ACOT2: variants seen among roughly 807,000 people sequenced by gnomAD.
The protein encoded by ACOT2 is acyl-coenzyme A thioesterase 2, mitochondrial.
A neutral mutation model predicts 20.1 loss-of-function variants in ACOT2; 15 were observed. The observed-to-expected ratio is 0.75, with a 90% CI of 0.50 to 1.15. The LOEUF (loss-of-function observed/expected upper bound fraction) is 1.15. Ranked by LOEUF, ACOT2 falls within the 50% of genes most tolerant of loss-of-function variation. The probability of loss-of-function intolerance (pLI) is 0.00; values close to 1 mark genes in which losing one functional copy is unlikely to be tolerated. For synonymous variants in ACOT2, 252 were observed against 268.4 expected, an observed-to-expected ratio of 0.94 and a Z score of 0.60; for missense variants, 479 against 615.3, an observed-to-expected ratio of 0.78 and a Z score of 2.34.
At chr14:73,571,788 G>C (rs3815275) in intron 1 of ACOT2, 4 of 152,036 alleles carry the variant, frequency 2.6e-5, no homozygotes, top group Admixed American at 6.6e-5. Flanking sequence ...ACTTTTCTTT[G>C]AATTCGCACA....
At chr14:73,574,576 CTTG>C (rs1889840404) in intron 2 of ACOT2, among the ~76,000 whole-genome samples, 1 of 151,846 alleles carries the variant, frequency 6.6e-6, no homozygotes, top group African/African-American at 2.4e-5. Flanking sequence ...AGATGATGTA[CTTG>C]TTGATGATGA....
At chr14:73,569,925 C>A in intron 1 of ACOT2, 42 bp downstream of exon 1, 2 of 1,575,672 alleles carry the variant, frequency 1.3e-6, no homozygotes, top group Non-Finnish European at 8.6e-7. Context: ...GTTCGCCTTT[C>A]ACTTTGTGTG....
intron 1 of ACOT2, among the ~76,000 whole-genome samples, chr14:73,570,224 G>C (rs1176180811): frequency 2.0e-5 from 3 of 151,668 alleles, no homozygotes; most frequent in African/African-American, 4.8e-5. Context: ...TTGGGGAAGT[G>C]TCCCTGCCGC....
chr14:73,570,736 C>G (rs113425878), intron 1 of ACOT2, among the ~76,000 whole-genome samples: 8,952 of 151,672 alleles, frequency 0.059, 332 homozygotes, highest in Middle Eastern at 0.095. Flanking sequence ...GAAACCCCAT[C>G]TCTACTAAAA....
At chr14:73,572,381 A>T (rs61987138) in intron 1 of ACOT2, among the ~76,000 whole-genome samples, 21,690 of 151,936 alleles carry the variant, frequency 0.14, 2,336 homozygotes, top group Non-Finnish European at 0.22. Flanking sequence ...TCTCCAAACC[A>T]CTGTTGAGTG....
intron 1 of ACOT2, among the ~76,000 whole-genome samples, chr14:73,570,830 G>A (rs1459137018): frequency 2.0e-5 from 3 of 150,640 alleles, no homozygotes; most frequent in Non-Finnish European, 3.0e-5. Flanking sequence ...GCTGGAACCC[G>A]GGAGGCAGAG....
rs989569236 is a variant in ACOT2 at position 73,573,692 on chromosome 14, A to G, written c.846+102A>G. On this transcript the variant is annotated intron_variant, in intron 2 of 2. Transcript: ENST00000238651. ...AGCTCATTCATGACAGCCATTCCCT[A>G]CCCCAACACACACTACCTTTTTTAG... 42 of 1,308,890 alleles carry G rather than the reference A, an allele frequency of 3.2e-5. No homozygotes were observed. The African/African-American group carries it at 5.8e-4, about 18-fold the overall frequency. 81.1% of individuals were successfully genotyped at this position (1,308,890 alleles called of 1,614,324 possible). A position where few individuals can be genotyped will look rare whatever the true frequency, so the allele number is the denominator to read the frequency against.
chr14:73,571,884 A>G (rs1307846456), intron 1 of ACOT2, among the ~76,000 whole-genome samples: 1 of 152,104 alleles, frequency 6.6e-6, no homozygotes, highest in Non-Finnish European at 1.5e-5. Context: ...GGATACTTTT[A>G]TATTACATAA....
rs1371318769 is a variant in ACOT2, at chr14:73,569,381, T to G, written c.141T>G (p.Ser47=). The change falls in exon 1 of 3, where the codon TCT becomes TCG. Residue 47 remains serine (S), a synonymous_variant. Coordinates refer to ENST00000238651, the MANE Select transcript of ACOT2 (RefSeq NM_006821.6). Reference sequence around the variant, plus strand: ...AGAGTTCGGCGCAGTTCCTGGGGTCTCCACAGCTGAGGCAGGTTGGTCAGA... The same window carrying G: ...AGAGTTCGGCGCAGTTCCTGGGGTCGCCACAGCTGAGGCAGGTTGGTCAGA... ...SLKSSAQFLG[S]PQLRQVGQII... 6.8e-6 allele frequency: 11 copies of G among 1,613,874 alleles called. No individual in the cohort carries two copies. Among genetic ancestry groups the G allele is most frequent in the Non-Finnish European group, 9.3e-6 (11 of 1,179,822 alleles).
rs1338650408 is a variant in ACOT2, at chr14:73,569,599, G to C, written c.359G>C (p.Gly120Ala). The C allele has an allele frequency of 4.4e-6, 7 of 1,601,944 alleles. No homozygotes were observed. Among genetic ancestry groups the C allele is most frequent in the Middle Eastern group, 2.2e-4 (1 of 4,490 alleles). The part of the protein sequence containing the change: ...AHARYRADTL[G>A]ELDLERAPAL... ...GCGCGCTACCGCGCCGACACTCTTG[G>C]CGAGCTGGACCTGGAGCGCGCGCCC... Residue 120 changes from glycine (G) to alanine (A), a missense_variant, in exon 1 of 3, where the codon GGC becomes GCC. Transcript: ENST00000238651.
At position 73,573,710 on chromosome 14, in the gene ACOT2, T is replaced by C. The variant is rs183341520; in HGVS notation, c.846+120T>C. ...ATTCCCTACCCCAACACACACTACC[T>C]TTTTTAGTCACTTCTTATAGACAGT... On this transcript the variant is annotated intron_variant, in intron 2 of 2. Transcript: ENST00000238651. 2.6e-6 allele frequency: 3 copies of C among 1,175,948 alleles called. No individual in the cohort carries two copies. The East Asian group carries it at 7.1e-5, about 28-fold the overall frequency. The allele number at this position is 1,175,948 out of a possible 1,614,324, so 72.8% of individuals were successfully genotyped here.
Position 73,575,153 on chromosome 14 carries a change from A to T in ACOT2, c.1092A>T (p.Gly364=). Residue 364 remains glycine, a synonymous_variant, in exon 3 of 3, where the codon GGA becomes GGT. Coordinates refer to ENST00000238651, the MANE Select transcript of ACOT2 (RefSeq NM_006821.6). ...ATGTCCTGAACAGCCCTTTGGAAGG[A>T]CCTGACCAGAAGAGCTTCATTCCTG... ...IVDVLNSPLE[G]PDQKSFIPVE... 1 of 1,219,978 alleles carries T rather than the reference A, an allele frequency of 8.2e-7. No homozygotes were observed. The highest frequency in any genetic ancestry group is 1.4e-5 in the South Asian group (1 of 71,566). 75.6% of individuals were successfully genotyped at this position (1,219,978 alleles called of 1,614,324 possible). A position where few individuals can be genotyped will look rare whatever the true frequency, so the allele number is the denominator to read the frequency against.
upstream of ACOT2, among the ~76,000 whole-genome samples, chr14:73,568,645 G>A (rs1889646700): frequency 6.6e-6 from 1 of 152,078 alleles, no homozygotes; most frequent in Admixed American, 6.6e-5. Flanking sequence ...TTAGCCGGGC[G>A]CGGTGGCTCA....
chr14:73,568,508 A>C (rs1288859653), upstream of ACOT2, among the ~76,000 whole-genome samples: 1 of 151,934 alleles, frequency 6.6e-6, no homozygotes, highest in Admixed American at 6.6e-5. Flanking sequence ...TTGTAAGTGC[A>C]GTGATGGTAA....
intron 1 of ACOT2, among the ~76,000 whole-genome samples, chr14:73,572,358 C>G (rs12879822): frequency 0.19 from 29,318 of 151,330 alleles, 3,570 homozygotes; most frequent in East Asian, 0.54. Flanking sequence ...AAAAAAGAAT[C>G]AACATGGATG....
intron 2 of ACOT2, among the ~76,000 whole-genome samples, chr14:73,573,942 G>T (rs111626984): frequency 0.053 from 8,113 of 151,974 alleles, 350 homozygotes; most frequent in African/African-American, 0.12. Context: ...GGTCAGGCTG[G>T]TCTTGAACTC....
intron 1 of ACOT2, among the ~76,000 whole-genome samples, chr14:73,570,804 T>C (rs1430210831): frequency 7.0e-5 from 10 of 142,716 alleles, no homozygotes; most frequent in South Asian, 2.2e-4. Context: ...ACTTAGGAGG[T>C]TGAGGCAGGA....
At chr14:73,572,273 T>C (rs1889768146) in intron 1 of ACOT2, among the ~76,000 whole-genome samples, 2 of 148,936 alleles carry the variant, frequency 1.3e-5, no homozygotes. Context: ...AATTGAGGTA[T>C]ATTTCCAGCA....
rs758945599 is a variant in ACOT2, at chr14:73,569,597, T to C, written c.357T>C (p.Leu119=). Residue 119 remains leucine (L), a synonymous_variant, in exon 1 of 3, where the codon CTT becomes CTC. Transcript: ENST00000238651. The part of the protein sequence containing the change: ...QAHARYRADT[L]GELDLERAPA... Reference sequence around the variant, plus strand: ...ACGCGCGCTACCGCGCCGACACTCTTGGCGAGCTGGACCTGGAGCGCGCGC... The same window carrying C: ...ACGCGCGCTACCGCGCCGACACTCTCGGCGAGCTGGACCTGGAGCGCGCGC... 3.1e-6 allele frequency: 5 copies of C among 1,602,060 alleles called. No individual in the cohort carries two copies. Among genetic ancestry groups the C allele is most frequent in the South Asian group, 1.1e-5 (1 of 90,440 alleles).
Sources: gnomAD v4.1 joint callset for allele counts (sites outside exome capture counted in the v4.1 genomes callset) on GRCh38, gnomAD v4.1.1 for gene constraint, MANE v1.5 for transcripts, NCBI Gene and HGNC (gene_info 2026-07-23, HGNC 2026-07-21) for gene names.